Variants in SMARCA2 observed in about 807,000 individuals in gnomAD.
The protein encoded by SMARCA2 is SWI/SNF related BAF chromatin remodeling complex subunit ATPase 2.
SMARCA2 carries 61 observed loss-of-function variants against 199.8 expected under a neutral mutation model. The observed-to-expected ratio is 0.31, with a 90% CI of 0.25 to 0.38. SMARCA2 has a LOEUF of 0.38. Among genes scored for constraint, SMARCA2 ranks in the 10% least tolerant of loss-of-function variants. The pLI, the probability that SMARCA2 is intolerant of heterozygous loss-of-function variation, is 1.00. For missense variants in SMARCA2, 1,344 were observed against 2,012.2 expected, an observed-to-expected ratio of 0.67 and a Z score of 6.35; for synonymous variants, 935 against 732.0, an observed-to-expected ratio of 1.28 and a Z score of -4.48.
intron 5 of SMARCA2, among the ~76,000 whole-genome samples, chr9:2,048,876 A>G (rs7028212): frequency 0.41 from 62,052 of 152,086 alleles, 14,890 homozygotes; most frequent in African/African-American, 0.68. Context: ...TCCTCTATTC[A>G]TGTGCAATAG....
In SMARCA2 at chr9:2,174,123, C is replaced by A. The variant is rs1439530574; in HGVS notation, c.4253+3651C>A. ...TGTTTCCCGAGACACAGAATGCTTC[C>A]CCTTATCTTCCAGCATTAGCCTGGC... is the stretch of plus-strand genomic sequence containing the variant. On this transcript the variant is annotated intron_variant, in intron 29 of 33. Transcript: ENST00000349721. Among the ~76,000 whole-genome samples the A allele has an allele frequency of 2.0e-5, 3 of 152,248 alleles. 1 individual carries two copies. The highest frequency in any genetic ancestry group is 2.0e-4 in the Admixed American group (3 of 15,300).
intron 27 of SMARCA2, among the ~76,000 whole-genome samples, chr9:2,128,391 T>C (rs1005077265): frequency 6.6e-6 from 1 of 152,222 alleles, no homozygotes; most frequent in African/African-American, 2.4e-5. Flanking sequence ...TCACATCTCA[T>C]AAGACCCCTG....
At chr9:2,060,684 A>G (rs1434953773) in intron 8 of SMARCA2, 132 bp from the exon 9 acceptor site, 4 of 733,630 alleles carry the variant, frequency 5.5e-6, no homozygotes, top group African/African-American at 3.5e-5. Context: ...AATGGCTTGA[A>G]CAGCCCAACT....
rs549425549 is a variant in SMARCA2, at chr9:2,130,391, G to T, written c.3981+6454G>T. Among the ~76,000 whole-genome samples the T allele has an allele frequency of 5.9e-5, 9 of 152,290 alleles. No individual in the cohort carries two copies. In the South Asian group the frequency reaches 1.9e-3, roughly 32 times the overall value. ...GTTAAGGCGATAGATGAGAATCCCA[G>T]TCCGCTAGGTTTGGCTCTTGATCGT... On this transcript the variant is annotated intron_variant, in intron 27 of 33. Transcript: ENST00000349721.
intron 31 of SMARCA2, among the ~76,000 whole-genome samples, chr9:2,185,675 G>T (rs535516700): frequency 1.3e-5 from 2 of 152,288 alleles, no homozygotes; most frequent in South Asian, 4.1e-4. Context: ...GATAAGTGTT[G>T]GCTGCTACTG....
intron 26 of SMARCA2, among the ~76,000 whole-genome samples, chr9:2,121,575 C>G (rs1043104553): frequency 1.1e-4 from 16 of 152,122 alleles, no homozygotes; most frequent in African/African-American, 3.9e-4. Context: ...TAGAATAAAT[C>G]TTTGGATTTT....
At chr9:2,103,852 G>A in intron 22 of SMARCA2, 151 bp from the exon 23 acceptor site, 1 of 616,300 alleles carries the variant, frequency 1.6e-6, no homozygotes, top group Non-Finnish European at 2.8e-6. Flanking sequence ...TCATTGCTTT[G>A]GAGTTCATAT....
At chr9:2,158,923 G>A in intron 27 of SMARCA2, 1 of 1,610,802 alleles carries the variant, frequency 6.2e-7, no homozygotes, top group Non-Finnish European at 8.5e-7. Context: ...GAGGAGGGAA[G>A]ATGTTTTGTA....
chr9:2,029,341 A>C (rs1818964673), intron 2 of SMARCA2, 94 bp downstream of exon 2: 9 of 1,500,008 alleles, frequency 6.0e-6, no homozygotes, highest in Non-Finnish European at 8.1e-6. Context: ...GTTGTTAACA[A>C]GAAAATCATG....
chr9:2,032,990 C>A lies in SMARCA2; in HGVS notation c.264C>A (p.Asp88Glu), dbSNP rs370078162. ...DGIHDKGIVE[D>E]IHCGSMKGTG... ...TACATGACAAGGGGATTGTAGAAGA[C>A]ATCCATTGTGGATCCATGAAGGGCA... The change falls in exon 3 of 34, where the codon GAC (aspartate) becomes GAA (glutamate). Residue 88 changes from aspartate (D) to glutamate (E), a missense_variant. Asp to Glu is a conservative substitution (Grantham distance 45). This residue lies in a region of SMARCA2 where 275 missense variants were observed against 247.5 expected (regional missense o/e 1.11). Transcript: ENST00000349721. The A allele has an allele frequency of 1.2e-6, 2 of 1,613,606 alleles. No individual in the cohort carries two copies. Among genetic ancestry groups the A allele is most frequent in the Non-Finnish European group, 1.7e-6 (2 of 1,179,620 alleles).
At position 2,017,150 on chromosome 9, in the gene SMARCA2, T is replaced by A. The variant is rs1017895919; in HGVS notation, c.-37+1746T>A. Reference sequence around the variant, plus strand: ...CTGATCGCTCGCCTCCGCCTCCGCCTCTGCCGCCTGGATTGCATTATTATT... The same window carrying A: ...CTGATCGCTCGCCTCCGCCTCCGCCACTGCCGCCTGGATTGCATTATTATT... On this transcript the variant is annotated intron_variant, in intron 1 of 33. Coordinates refer to ENST00000349721, the MANE Select transcript of SMARCA2 (RefSeq NM_003070.5). The surrounding 1 kb of genome is among the most constrained non-coding windows in gnomAD (Gnocchi z 8.8). 6.6e-6 allele frequency: 1 copy of A among 152,416 alleles called. No individual in the cohort carries two copies. The highest frequency in any genetic ancestry group is 6.5e-5 in the Admixed American group (1 of 15,276). 9.4% of individuals were successfully genotyped at this position (152,416 alleles called of 1,614,324 possible).
intron 27 of SMARCA2, among the ~76,000 whole-genome samples, chr9:2,135,066 G>A (rs1397135239): frequency 6.6e-6 from 1 of 152,244 alleles, no homozygotes; most frequent in African/African-American, 2.4e-5. Context: ...CCACCTGCAA[G>A]TTGGAGACCC....
At chr9:2,034,055 G>C (rs1433517890) in intron 3 of SMARCA2, among the ~76,000 whole-genome samples, 1 of 152,018 alleles carries the variant, frequency 6.6e-6, no homozygotes, top group East Asian at 1.9e-4. Context: ...GACCATCCTG[G>C]TCAACATGGT....
At position 2,110,684 on chromosome 9, in the gene SMARCA2, C is replaced by T. The variant is rs1398135214; in HGVS notation, c.3456+267C>T. 6.6e-6 allele frequency among the ~76,000 whole-genome samples: 1 copy of T among 152,164 alleles called. No homozygotes were observed. Among genetic ancestry groups the T allele is most frequent in the Non-Finnish European group, 1.5e-5 (1 of 68,030 alleles). Reference sequence around the variant, plus strand: ...CCCATCTCTTGGGATTGCCATTGAACAAAGTATATTTAATGAGGGATAAGT... The same window carrying T: ...CCCATCTCTTGGGATTGCCATTGAATAAAGTATATTTAATGAGGGATAAGT... On this transcript the variant is annotated intron_variant, in intron 24 of 33. Transcript: ENST00000349721. The surrounding 1 kb of genome is among the most constrained non-coding windows in gnomAD (Gnocchi z 4.8).
At chr9:2,068,843 G>A (rs1388768954) in intron 9 of SMARCA2, 1 of 152,026 alleles carries the variant, frequency 6.6e-6, no homozygotes, top group Non-Finnish European at 1.5e-5. Context: ...GTTATCGTAA[G>A]TGGAAGAAAT....
At position 2,170,944 on chromosome 9, in the gene SMARCA2, G is replaced by C. The variant is rs979018052; in HGVS notation, c.4253+472G>C. Among the ~76,000 whole-genome samples the C allele has an allele frequency of 1.3e-5, 2 of 152,224 alleles. No individual in the cohort carries two copies. Among genetic ancestry groups the C allele is most frequent in the Non-Finnish European group, 2.9e-5 (2 of 68,044 alleles). On this transcript the variant is annotated intron_variant, in intron 29 of 33. Coordinates refer to ENST00000349721, the MANE Select transcript of SMARCA2 (RefSeq NM_003070.5). This position sits in a 1 kb window ranked among gnomAD's most constrained non-coding sequence, Gnocchi z 4.7. ...TGTCTGCATTCCAGAGTTGATCATG[G>C]CATGCAGAGGGCAATTGCTGAGTTG...
chr9:2,084,892 G>A (rs139074255), intron 17 of SMARCA2, among the ~76,000 whole-genome samples: 31 of 152,162 alleles, frequency 2.0e-4, no homozygotes, highest in African/African-American at 7.2e-4. Context: ...CTTCTAATAC[G>A]TTCATGTAGA....
chr9:2,140,676 C>T (rs1824418092), intron 27 of SMARCA2, among the ~76,000 whole-genome samples: 2 of 152,102 alleles, frequency 1.3e-5, no homozygotes, highest in Admixed American at 1.3e-4. Context: ...TCTCATTGAC[C>T]TTCAGGTATC....
chr9:2,058,501 A>T, intron 8 of SMARCA2, 37 bp downstream of exon 8: 1 of 1,571,094 alleles, frequency 6.4e-7, no homozygotes, highest in Non-Finnish European at 8.7e-7. Context: ...GAAACTACTC[A>T]ACCCACGTCC....
Sources: gnomAD v4.1 joint callset for allele counts (sites outside exome capture counted in the v4.1 genomes callset) on GRCh38, gnomAD v4.1.1 for gene constraint, gnomAD v4.1.1 regional missense constraint, Gnocchi (gnomAD v3.1) non-coding constraint, MANE v1.5 for transcripts, NCBI Gene and HGNC (gene_info 2026-07-23, HGNC 2026-07-21) for gene names.